The following COG5 variants were observed in gnomAD, a reference collection of about 807,000 sequenced individuals.
COG5 encodes the protein conserved oligomeric Golgi complex subunit 5.
Under a neutral mutation model 110.4 loss-of-function variants are expected in COG5, and 86 were observed. The observed-to-expected ratio is 0.78, with a 90% CI of 0.65 to 0.93. The LOEUF (loss-of-function observed/expected upper bound fraction) is 0.93, where lower values mean the gene tolerates loss of function less well. Among genes scored for constraint, COG5 ranks in the 40% least tolerant of loss-of-function variants. COG5 has a pLI of 0.00. For missense variants in COG5, 1,077 were observed against 987.0 expected, an observed-to-expected ratio of 1.09 and a Z score of -1.22; for synonymous variants, 360 against 334.6, an observed-to-expected ratio of 1.08 and a Z score of -0.83.
intron 6 of COG5, among the ~76,000 whole-genome samples, chr7:107,424,900 T>C (rs980250412): frequency 6.6e-6 from 1 of 152,126 alleles, no homozygotes; most frequent in African/African-American, 2.4e-5. Context: ...CTCCAAAAAA[T>C]TAAAAGCTTA....
intron 17 of COG5, among the ~76,000 whole-genome samples, chr7:107,246,010 A>G (rs1802026248): frequency 6.6e-6 from 1 of 152,216 alleles, no homozygotes; most frequent in African/African-American, 2.4e-5. Context: ...CTGGTACAAA[A>G]ACAGGCACAT....
chr7:107,530,227 C>T (rs1202807463), intron 5 of COG5, among the ~76,000 whole-genome samples: 1 of 152,154 alleles, frequency 6.6e-6, no homozygotes, highest in African/African-American at 2.4e-5. Flanking sequence ...TCTTTATCAC[C>T]ATTACCTTTA....
chr7:107,238,269 TTCACTTAGC>T, intron 17 of COG5, among the ~76,000 whole-genome samples: 1 of 152,208 alleles, frequency 6.6e-6, no homozygotes, highest in African/African-American at 2.4e-5. Flanking sequence ...TCTGGCTTAC[TTCACTTAGC>T]ATAATGTTCT....
At chr7:107,533,963 A>G (rs184521952) in intron 5 of COG5, among the ~76,000 whole-genome samples, 49 of 151,796 alleles carry the variant, frequency 3.2e-4, no homozygotes, top group Non-Finnish European at 6.5e-4. Context: ...CTAACAGCAG[A>G]TCTCTCTGTA....
At chr7:107,505,798 C>G (rs1798951042) in intron 6 of COG5, among the ~76,000 whole-genome samples, 1 of 152,182 alleles carries the variant, frequency 6.6e-6, no homozygotes. Context: ...CTCTCCCTTC[C>G]CCTAGAAACA....
intron 6 of COG5, chr7:107,475,260 A>G: frequency 6.2e-7 from 1 of 1,602,350 alleles, no homozygotes; most frequent in Non-Finnish European, 8.5e-7. Flanking sequence ...ATAATGCTGT[A>G]ATACACAACT....
intron 2 of COG5, among the ~76,000 whole-genome samples, chr7:107,556,031 A>G (rs199673962): frequency 6.6e-6 from 1 of 151,764 alleles, no homozygotes; most frequent in South Asian, 2.1e-4. Flanking sequence ...AAAAAAAAAA[A>G]GGAGAGAGGA....
At chr7:107,242,429 G>A (rs1801716615) in intron 17 of COG5, among the ~76,000 whole-genome samples, 1 of 152,194 alleles carries the variant, frequency 6.6e-6, no homozygotes, top group Non-Finnish European at 1.5e-5. Context: ...TGGCCAGACT[G>A]TTACATGGGT....
chr7:107,549,290 A>T (rs965142556), intron 3 of COG5: 2 of 152,238 alleles, frequency 1.3e-5, no homozygotes, highest in Admixed American at 1.3e-4. Flanking sequence ...GGTCACCAGA[A>T]ATCTATGAGT....
chr7:107,538,615 T>G (rs564875920), intron 5 of COG5, among the ~76,000 whole-genome samples: 1 of 152,180 alleles, frequency 6.6e-6, no homozygotes, highest in African/African-American at 2.4e-5. Flanking sequence ...GTACAGAAAT[T>G]AGAATCTTCA....
intron 11 of COG5, among the ~76,000 whole-genome samples, chr7:107,320,452 T>TA (rs1809158367): frequency 6.6e-6 from 1 of 152,218 alleles, no homozygotes; most frequent in East Asian, 1.9e-4. Flanking sequence ...GTTCCCCTCT[T>TA]AGTGTGAATG....
chr7:107,486,046 A>T (rs968974973), intron 6 of COG5, among the ~76,000 whole-genome samples: 1 of 152,134 alleles, frequency 6.6e-6, no homozygotes, highest in Non-Finnish European at 1.5e-5. Flanking sequence ...ATTCACTTTG[A>T]CACTAGTATA....
rs188840971 is a variant in COG5 at position 107,342,769 on chromosome 7, G to T, written c.1027-18248C>A. On this transcript the variant is annotated intron_variant, in intron 10 of 21. Coordinates refer to ENST00000297135, the MANE Select transcript of COG5 (RefSeq NM_006348.5). ...AGGGAATGTTTATACGTTGCTTCTG[G>T]CAATGTAAATTAGTTCAGCCATTAT... Among the ~76,000 whole-genome samples the T allele has an allele frequency of 2.0e-5, 3 of 152,224 alleles. No individual in the cohort carries two copies. The East Asian group carries it at 5.8e-4, about 29-fold the overall frequency.
chr7:107,510,443 A>AT (rs1270693252), intron 6 of COG5, among the ~76,000 whole-genome samples: 1 of 152,238 alleles, frequency 6.6e-6, no homozygotes, highest in Non-Finnish European at 1.5e-5. Context: ...CTACACAATA[A>AT]TAACGGGAGA....
intron 19 of COG5, among the ~76,000 whole-genome samples, chr7:107,226,516 T>C (rs1800350688): frequency 6.6e-6 from 1 of 152,194 alleles, no homozygotes; most frequent in Admixed American, 6.5e-5. Flanking sequence ...TACTCCTCTC[T>C]AGGAAGGAAT....
chr7:107,331,103 T>C (rs1289300606), intron 10 of COG5, among the ~76,000 whole-genome samples: 1 of 152,168 alleles, frequency 6.6e-6, no homozygotes, highest in Non-Finnish European at 1.5e-5. Flanking sequence ...TCAAGGTATG[T>C]CTACATTCAT....
chr7:107,435,007 G>T (rs796662908), intron 6 of COG5, among the ~76,000 whole-genome samples: 2 of 151,328 alleles, frequency 1.3e-5, no homozygotes, highest in Admixed American at 1.3e-4. Context: ...GTCACATATT[G>T]CAACACAGAT....
intron 6 of COG5, among the ~76,000 whole-genome samples, chr7:107,447,199 T>C (rs1795058179): frequency 6.6e-6 from 1 of 152,136 alleles, no homozygotes; most frequent in Non-Finnish European, 1.5e-5. Context: ...TACTTCCATC[T>C]CACGCTTTGA....
chr7:107,256,837 A>G, intron 15 of COG5, 43 bp from the exon 16 acceptor site: 2 of 1,342,682 alleles, frequency 1.5e-6, no homozygotes, highest in Non-Finnish European at 2.1e-6. Context: ...GCTTAAGTCT[A>G]TTTCTGTAAA....
Sources: allele counts gnomAD v4.1 joint callset (sites outside exome capture counted in the v4.1 genomes callset), GRCh38; gene constraint gnomAD v4.1.1; transcripts MANE v1.5; gene names NCBI Gene and HGNC (gene_info 2026-07-23, HGNC 2026-07-21).